The following SERPINA5 variants were observed in gnomAD, a reference collection of about 807,000 sequenced individuals.
The protein encoded by SERPINA5 is serpin family A member 5, also known as plasma serine protease inhibitor.
A neutral mutation model predicts 25.3 loss-of-function variants in SERPINA5; 25 were observed. The ratio of observed to expected loss-of-function variants is 0.99; its 90% confidence interval spans 0.72 to 1.38. SERPINA5 has a LOEUF of 1.38. Ranked by LOEUF, SERPINA5 falls within the 40% of genes most tolerant of loss-of-function variation. The pLI is 0.00. For synonymous variants in SERPINA5, 234 were observed against 206.2 expected, an observed-to-expected ratio of 1.14 and a Z score of -1.16; for missense variants, 599 against 509.5, an observed-to-expected ratio of 1.18 and a Z score of -1.69.
In SERPINA5 at chr14:94,590,890, G is replaced by A. The variant is rs1321287881; in HGVS notation, c.1032G>A (p.Val344=). 2.5e-6 allele frequency: 4 copies of A among 1,610,246 alleles called. No individual in the cohort carries two copies. The highest frequency in any genetic ancestry group is 1.1e-5 in the South Asian group (1 of 90,352). ...TCAGCAACCACTCAAATATCCAGGT[G>A]TCTGAGGTGGGTTCAGAAGCTCCTA... ...SGISNHSNIQ[V]SEMVHKAVVE... Residue 344 remains valine, a synonymous_variant, in exon 5 of 6, where the codon GTG becomes GTA. Transcript: ENST00000329597.
Position 94,590,091 on chromosome 14 carries a change from T to C in SERPINA5, c.670T>C (p.Tyr224His). 6.2e-7 allele frequency: 1 copy of C among 1,612,722 alleles called. No homozygotes were observed. The highest frequency in any genetic ancestry group is 8.5e-7 in the Non-Finnish European group (1 of 1,178,912). The change falls in exon 4 of 6, where the codon TAC (tyrosine) becomes CAC (histidine). Residue 224 changes from tyrosine (Y) to histidine (H), a missense_variant. Tyr to His is a moderately conservative substitution (Grantham distance 83). Coordinates refer to ENST00000329597, the MANE Select transcript of SERPINA5 (RefSeq NM_000624.6). ...NHKGTQEQDF[Y>H]VTSETVVRVP... ...CAAAGGCACCCAAGAGCAAGACTTC[T>C]ACGTGACCTCGGAGACTGTGGTGCG...
rs1378138724 is a variant in SERPINA5, at chr14:94,587,358, C to A, written c.-5C>A. Reference sequence around the variant, plus strand: ...CTTTCCCTTTCAGAACAAAGAACAGCCACCATGCAGCTCTTCCTCCTCTTG... The same window carrying A: ...CTTTCCCTTTCAGAACAAAGAACAGACACCATGCAGCTCTTCCTCCTCTTG... On this transcript the variant is annotated 5_prime_UTR_variant, in exon 3 of 6. Transcript: ENST00000329597. 3 of 1,596,730 alleles carry A rather than the reference C, an allele frequency of 1.9e-6. No homozygotes were observed. In the Admixed American group the frequency reaches 5.2e-5, roughly 28 times the overall value.
In SERPINA5 at chr14:94,587,410, G is replaced by T. The variant is rs776475108; in HGVS notation, c.48G>T (p.Gly16=). 3.1e-6 allele frequency: 5 copies of T among 1,613,606 alleles called. No homozygotes were observed. The South Asian group carries it at 4.4e-5, about 14-fold the overall frequency. Residue 16 remains glycine, a synonymous_variant, in exon 3 of 6, where the codon GGG becomes GGT. Transcript: ENST00000329597. ...GCCTGGTGCTTCTCAGCCCTCAGGG[G>T]GCCTCCCTTCACCGCCACCACCCCC... is the stretch of plus-strand genomic sequence containing the variant. ...LLCLVLLSPQ[G]ASLHRHHPRE...
intron 4 of SERPINA5, 128 bp from the exon 5 acceptor site, chr14:94,590,621 C>A: frequency 9.1e-7 from 1 of 1,095,456 alleles, no homozygotes; most frequent in Non-Finnish European, 1.3e-6. Flanking sequence ...CACCATTGTT[C>A]CTTGGGTTAA....
intron 5 of SERPINA5, 43 bp downstream of exon 5, chr14:94,590,939 T>A (rs750927501): frequency 6.4e-7 from 1 of 1,556,202 alleles, no homozygotes; most frequent in South Asian, 1.2e-5. Context: ...CAAGGTCTAT[T>A]CTGTTCTATT....
chr14:94,591,872 G>A lies in SERPINA5; in HGVS notation c.1039-185G>A, dbSNP rs116329075. 9.3e-4 allele frequency among the ~76,000 whole-genome samples: 142 copies of A among 152,226 alleles called. 1 individual carries two copies. The highest frequency in any genetic ancestry group is 3.3e-3 in the African/African-American group (136 of 41,532). Reference sequence around the variant, plus strand: ...TGAGAATTCAATGACAGACACATGCGAAGTCACCCCCCAGCACAGTGCCTG... The same window carrying A: ...TGAGAATTCAATGACAGACACATGCAAAGTCACCCCCCAGCACAGTGCCTG... On this transcript the variant is annotated intron_variant, in intron 5 of 5. Coordinates refer to ENST00000329597, the MANE Select transcript of SERPINA5 (RefSeq NM_000624.6).
intron 3 of SERPINA5, among the ~76,000 whole-genome samples, chr14:94,589,593 C>A (rs1254554200): frequency 6.6e-6 from 1 of 151,988 alleles, no homozygotes; most frequent in Non-Finnish European, 1.5e-5. Context: ...TGGGAAAAAC[C>A]ATTCATTTCC....
At chr14:94,588,615 G>A (rs747139859) in intron 3 of SERPINA5, among the ~76,000 whole-genome samples, 8 of 152,186 alleles carry the variant, frequency 5.3e-5, no homozygotes, top group Non-Finnish European at 1.0e-4. Context: ...GAAGGGTTGC[G>A]AAGGAAGGTA....
intron 3 of SERPINA5, among the ~76,000 whole-genome samples, chr14:94,589,208 A>G (rs894111478): frequency 6.6e-6 from 1 of 152,196 alleles, no homozygotes; most frequent in Non-Finnish European, 1.5e-5. Context: ...ACATTTTAGG[A>G]GGCCGAGATG....
In SERPINA5 at chr14:94,592,200, T is replaced by C; in HGVS notation, c.1182T>C (p.Asp394=). 6.2e-7 allele frequency: 1 copy of C among 1,614,170 alleles called. No homozygotes were observed. Among genetic ancestry groups the C allele is most frequent in the South Asian group, 1.1e-5 (1 of 91,078 alleles). The change falls in exon 6 of 6, where the codon GAT becomes GAC. Residue 394 remains aspartate, a synonymous_variant. Transcript: ENST00000329597. ...GGCCCTTTCTGATGTTCATTGTGGA[T>C]AACAACATCCTCTTCCTTGGCAAAG... ...FNRPFLMFIV[D]NNILFLGKVN...
chr14:94,592,302 C>A lies in SERPINA5; in HGVS notation c.*63C>A. 2.0e-6 allele frequency: 3 copies of A among 1,468,520 alleles called. No individual in the cohort carries two copies. Among genetic ancestry groups the A allele is most frequent in the South Asian group, 2.6e-5 (2 of 77,832 alleles). 91.0% of individuals were successfully genotyped at this position (1,468,520 alleles called of 1,614,324 possible). ...GGAGATGAAGGGGGCTAAGCTATGGCCCATCTGTATGCTGGTAGCTAGTGA... is the reference window on the plus strand; with the variant it reads ...GGAGATGAAGGGGGCTAAGCTATGGACCATCTGTATGCTGGTAGCTAGTGA... On this transcript the variant is annotated 3_prime_UTR_variant, in exon 6 of 6. Coordinates refer to ENST00000329597, the MANE Select transcript of SERPINA5 (RefSeq NM_000624.6).
At chr14:94,588,067 A>G (rs1231894472) in intron 3 of SERPINA5, 86 bp downstream of exon 3, 6 of 1,498,510 alleles carry the variant, frequency 4.0e-6, no homozygotes, top group Admixed American at 4.3e-5. Flanking sequence ...CACATACATA[A>G]AAGACGGGGA....
At position 94,587,522 on chromosome 14, in the gene SERPINA5, A is replaced by G. The variant is rs1885132456; in HGVS notation, c.160A>G (p.Arg54Gly). The part of the protein sequence containing the change: ...SRRDFTFDLY[R>G]ALASAAPSQS... The stretch of plus-strand genomic sequence containing the variant: ...AAGGGACTTTACCTTTGACCTCTAC[A>G]GGGCCTTGGCTTCCGCTGCCCCCAG... Residue 54 changes from arginine to glycine, a missense_variant, in exon 3 of 6, where the codon AGG (arginine) becomes GGG (glycine). Physicochemically the swap from Arg to Gly is moderately radical, Grantham distance 125. Coordinates refer to ENST00000329597, the MANE Select transcript of SERPINA5 (RefSeq NM_000624.6). 6.2e-7 allele frequency: 1 copy of G among 1,613,694 alleles called. No individual in the cohort carries two copies. The highest frequency in any genetic ancestry group is 1.3e-5 in the African/African-American group (1 of 75,004).
At chr14:94,592,026 G>GGCCTGGTGAT in intron 5 of SERPINA5, 31 bp from the exon 6 acceptor site, 1 of 1,596,690 alleles carries the variant, frequency 6.3e-7, no homozygotes, top group Non-Finnish European at 8.5e-7. Context: ...TGCCCCTAGT[G>GGCCTGGTGAT]GCCTGGTGAT....
At chr14:94,590,333 G>A (rs1336659854) in intron 4 of SERPINA5, 22 bp downstream of exon 4, 54 of 1,568,634 alleles carry the variant, frequency 3.4e-5, no homozygotes, top group Non-Finnish European at 4.6e-5. Flanking sequence ...CTACCCCAGG[G>A]CCAGCCTAAA....
chr14:94,591,508 T>A (rs1200594436), intron 5 of SERPINA5, among the ~76,000 whole-genome samples: 1 of 152,090 alleles, frequency 6.6e-6, no homozygotes, highest in Non-Finnish European at 1.5e-5. Flanking sequence ...TCCATTCCAT[T>A]GCAGTCCACT....
At chr14:94,589,592 C>T (rs1038674764) in intron 3 of SERPINA5, among the ~76,000 whole-genome samples, 2 of 152,072 alleles carry the variant, frequency 1.3e-5, no homozygotes, top group Non-Finnish European at 2.9e-5. Context: ...ATGGGAAAAA[C>T]CATTCATTTC....
chr14:94,593,020 G>C lies in SERPINA5; in HGVS notation c.*781G>C, dbSNP rs1047541370. 6.6e-6 allele frequency: 1 copy of C among 152,174 alleles called. No individual in the cohort carries two copies. Among genetic ancestry groups the C allele is most frequent in the Non-Finnish European group, 1.5e-5 (1 of 68,024 alleles). The allele number at this position is 152,174 out of a possible 1,614,324, so 9.4% of individuals were successfully genotyped here. A position where few individuals can be genotyped will look rare whatever the true frequency, so the allele number is the denominator to read the frequency against. ...GGGCCTGGCTGGGAGTGGAAGAAGGGAAGCCTTTTGCAAATAGTAGAGTAT... is the reference window on the plus strand; with the variant it reads ...GGGCCTGGCTGGGAGTGGAAGAAGGCAAGCCTTTTGCAAATAGTAGAGTAT... On this transcript the variant is annotated 3_prime_UTR_variant, in exon 6 of 6. Coordinates refer to ENST00000329597, the MANE Select transcript of SERPINA5 (RefSeq NM_000624.6).
In SERPINA5 at chr14:94,592,248, T is replaced by G; in HGVS notation, c.*9T>G. On this transcript the variant is annotated 3_prime_UTR_variant, in exon 6 of 6. Coordinates refer to ENST00000329597, the MANE Select transcript of SERPINA5 (RefSeq NM_000624.6). ...AAGTGAACCGCCCCTGAGGTGGGGC[T>G]TCTCCTGAAATCTACAGGCCTCAGG... The G allele has an allele frequency of 6.2e-7, 1 of 1,608,712 alleles. No individual in the cohort carries two copies. Among genetic ancestry groups the G allele is most frequent in the Non-Finnish European group, 8.5e-7 (1 of 1,176,376 alleles).
Sources: gnomAD v4.1 joint callset for allele counts (sites outside exome capture counted in the v4.1 genomes callset) on GRCh38, gnomAD v4.1.1 for gene constraint, MANE v1.5 for transcripts, NCBI Gene and HGNC (gene_info 2026-07-23, HGNC 2026-07-21) for gene names.